Variants in MPDZ observed in about 807,000 individuals in gnomAD.
MPDZ encodes multiple PDZ domain crumbs cell polarity complex component.
In MPDZ, 234 loss-of-function variants were observed where a neutral mutation model predicts 239.1. The observed-to-expected ratio is 0.98, with a 90% CI of 0.88 to 1.09. The LOEUF (loss-of-function observed/expected upper bound fraction) is 1.09, where lower values mean the gene tolerates loss of function less well. MPDZ is among the 50% of genes least tolerant of loss of function. The pLI is 0.00. For synonymous variants in MPDZ, 1,048 were observed against 881.3 expected (o/e 1.19, Z -3.35); for missense variants, 3,175 against 2,510.0 (o/e 1.26, Z -5.66).
chr9:13,266,436 T>A (rs1971809315), intron 1 of MPDZ, among the ~76,000 whole-genome samples: 1 of 152,222 alleles, frequency 6.6e-6, no homozygotes, highest in Non-Finnish European at 1.5e-5. Flanking sequence ...TTGTGAACAA[T>A]CACATTCTCT....
rs779069534 is a variant in MPDZ at position 13,123,306 on chromosome 9, T to C, written c.4808-8A>G. On this transcript the variant is annotated splice_polypyrimidine_tract_variant and splice_region_variant and intron_variant, in intron 35 of 46. Transcript: ENST00000319217. ...TTGATGATCTGCTTGTATCTAAAAA[T>C]AAGTTAAAAATGAAATACAAATAAA... 4 of 1,591,164 alleles carry C rather than the reference T, an allele frequency of 2.5e-6. No homozygotes were observed. Among genetic ancestry groups the C allele is most frequent in the Non-Finnish European group, 3.4e-6 (4 of 1,168,550 alleles).
chr9:13,157,980 T>G, intron 24 of MPDZ, 38 bp downstream of exon 24: 1 of 1,538,862 alleles, frequency 6.5e-7, no homozygotes. Context: ...AAACACTATA[T>G]ATCCATTGGG....
At chr9:13,232,790 G>C (rs909164955) in intron 3 of MPDZ, among the ~76,000 whole-genome samples, 1 of 148,318 alleles carries the variant, frequency 6.7e-6, no homozygotes, top group Admixed American at 6.8e-5. Flanking sequence ...CAGCAAAGAA[G>C]TTGTATTCAG....
rs1156330396 is a variant in MPDZ, at chr9:13,108,977, G to A, written c.6025C>T (p.His2009Tyr). Residue 2009 changes from histidine (H) to tyrosine (Y), a missense_variant, in exon 46 of 47, where the codon CAT becomes TAT. Physicochemically the swap from His to Tyr is moderately conservative, Grantham distance 83. Transcript: ENST00000319217. ...FSIVGGYGSP[H>Y]GDLPIYVKTV... is the part of the protein sequence containing the mutation. ...TTAACATAAATGGGTAAGTCTCCATGAGGGCTGCCATATCCTCCAACTATA... is the reference window on the plus strand; with the variant it reads ...TTAACATAAATGGGTAAGTCTCCATAAGGGCTGCCATATCCTCCAACTATA... 1.9e-6 allele frequency: 3 copies of A among 1,608,166 alleles called. No individual in the cohort carries two copies. The highest frequency in any genetic ancestry group is 2.5e-6 in the Non-Finnish European group (3 of 1,177,318).
chr9:13,143,013 A>T (rs1378774670), intron 27 of MPDZ, among the ~76,000 whole-genome samples: 1 of 152,178 alleles, frequency 6.6e-6, no homozygotes, highest in Non-Finnish European at 1.5e-5. Flanking sequence ...AATATTCAAC[A>T]GACTCCTGCA....
chr9:13,269,903 C>T lies in MPDZ; in HGVS notation c.-58+9497G>A, dbSNP rs188583718. Among the ~76,000 whole-genome samples the T allele has an allele frequency of 3.3e-5, 5 of 152,216 alleles. No homozygotes were observed. In the East Asian group the frequency reaches 9.7e-4, roughly 29 times the overall value. On this transcript the variant is annotated intron_variant, in intron 1 of 46. Coordinates refer to ENST00000319217, the MANE Select transcript of MPDZ (RefSeq NM_001378778.1). ...AAATTACTATGAACCTATCTGAACA[C>T]GTACCTTAGCCATATAAGATAAATA...
rs141468003 is a variant in MPDZ at position 13,235,378 on chromosome 9, C to T, written c.184-10795G>A. Among the ~76,000 whole-genome samples, 398 of 152,234 alleles carry T rather than the reference C, an allele frequency of 2.6e-3. 3 individuals carry two copies. The highest frequency in any genetic ancestry group is 9.3e-3 in the African/African-American group (386 of 41,550). On this transcript the variant is annotated intron_variant, in intron 3 of 46. Transcript: ENST00000319217. ...TTTTCTATGAGACCTTCCTTTCATTCATTCAAGTATTTATTGAGCATCTAA... is the reference window on the plus strand; with the variant it reads ...TTTTCTATGAGACCTTCCTTTCATTTATTCAAGTATTTATTGAGCATCTAA...
intron 3 of MPDZ, among the ~76,000 whole-genome samples, chr9:13,232,990 A>G (rs1962947204): frequency 6.6e-6 from 1 of 152,100 alleles, no homozygotes; most frequent in Non-Finnish European, 1.5e-5. Context: ...AAATGATACT[A>G]TAACATATCC....
chr9:13,198,735 C>CTGTGTGTGTGTGTGTGTG (rs1243812686), intron 12 of MPDZ, among the ~76,000 whole-genome samples: 39 of 17,116 alleles, frequency 2.3e-3, no homozygotes, highest in Admixed American at 5.7e-3. Flanking sequence ...TAATCTCTCT[C>CTGTGTGTGTGTGTGTGTG]TCTGTGTGTG....
chr9:13,250,445 C>T (rs1450026566), intron 1 of MPDZ, 73 bp from the exon 2 acceptor site: 9 of 755,088 alleles, frequency 1.2e-5, no homozygotes, highest in East Asian at 1.1e-4. Context: ...CTCTGAAGAA[C>T]ACTTGATACA....
chr9:13,274,645 A>C lies in MPDZ; in HGVS notation c.-58+4755T>G, dbSNP rs1411142221. 5 of 151,846 alleles carry C rather than the reference A, an allele frequency of 3.3e-5. No homozygotes were observed. In the East Asian group the frequency reaches 9.6e-4, roughly 29 times the overall value. The allele number at this position is 151,846 out of a possible 1,614,324, so 9.4% of individuals were successfully genotyped here. A position where few individuals can be genotyped will look rare whatever the true frequency, so the allele number is the denominator to read the frequency against. On this transcript the variant is annotated intron_variant, in intron 1 of 46. Coordinates refer to ENST00000319217, the MANE Select transcript of MPDZ (RefSeq NM_001378778.1). The stretch of plus-strand genomic sequence containing the variant: ...AAAAAAAAAAAAAAGTTTTTATTTT[A>C]TGTAACATAAATTCCCTTTTATTAA...
intron 28 of MPDZ, among the ~76,000 whole-genome samples, chr9:13,138,486 G>C (rs1410689814): frequency 6.6e-6 from 1 of 152,168 alleles, no homozygotes; most frequent in East Asian, 1.9e-4. Context: ...CATTTGCAGA[G>C]GAGAACAGAA....
At chr9:13,166,653 T>G (rs1951115436) in intron 22 of MPDZ, among the ~76,000 whole-genome samples, 1 of 152,078 alleles carries the variant, frequency 6.6e-6, no homozygotes, top group Non-Finnish European at 1.5e-5. Flanking sequence ...GATTCTATAG[T>G]ACATTTTGCC....
intron 25 of MPDZ, among the ~76,000 whole-genome samples, chr9:13,148,430 A>G (rs938267052): frequency 6.6e-6 from 1 of 152,044 alleles, no homozygotes; most frequent in African/African-American, 2.4e-5. Context: ...TATGATATAT[A>G]CAACAAAAGA....
chr9:13,202,112 G>C (rs368663239), intron 12 of MPDZ, among the ~76,000 whole-genome samples: 138 of 152,254 alleles, frequency 9.1e-4, no homozygotes, highest in African/African-American at 3.1e-3. Context: ...GGTGGTGTTA[G>C]AGATTTACTA....
chr9:13,262,990 C>CG (rs1971024493), intron 1 of MPDZ, among the ~76,000 whole-genome samples: 1 of 151,928 alleles, frequency 6.6e-6, no homozygotes, highest in Admixed American at 6.6e-5. Context: ...TAGCCGCATA[C>CG]GGGGGGACTC....
intron 28 of MPDZ, among the ~76,000 whole-genome samples, chr9:13,138,782 C>T (rs970953538): frequency 2.6e-5 from 4 of 152,146 alleles, no homozygotes; most frequent in East Asian, 3.9e-4. Flanking sequence ...AGAGGGCTGA[C>T]GCCTCACGCA....
chr9:13,188,052 A>C (rs932077155), intron 17 of MPDZ, among the ~76,000 whole-genome samples: 3 of 152,204 alleles, frequency 2.0e-5, no homozygotes, highest in African/African-American at 7.2e-5. Flanking sequence ...TGAATTTAGC[A>C]ACTTGAAGCC....
intron 12 of MPDZ, among the ~76,000 whole-genome samples, chr9:13,200,592 C>T (rs1956268165): frequency 6.6e-6 from 1 of 151,800 alleles, no homozygotes; most frequent in Non-Finnish European, 1.5e-5. Flanking sequence ...TTGCTGTAGG[C>T]CATAGGTTTG....
Sources: allele counts gnomAD v4.1 joint callset (sites outside exome capture counted in the v4.1 genomes callset), GRCh38; gene constraint gnomAD v4.1.1; transcripts MANE v1.5; gene names NCBI Gene and HGNC (gene_info 2026-07-23, HGNC 2026-07-21).